The following DLGAP1 variants were observed in gnomAD, a reference collection of about 807,000 sequenced individuals.
DLGAP1 encodes disks large-associated protein 1.
Under a neutral mutation model 90.8 loss-of-function variants are expected in DLGAP1, and 11 were observed. The observed-to-expected ratio is 0.12, with a 90% CI of 0.08 to 0.20. DLGAP1 has a LOEUF of 0.20. DLGAP1 is among the 10% of genes least tolerant of loss of function. DLGAP1 has a pLI of 1.00. For synonymous variants in DLGAP1, 558 were observed against 540.7 expected, an observed-to-expected ratio of 1.03 and a Z score of -0.44; for missense variants, 1,050 against 1,333.8, an observed-to-expected ratio of 0.79 and a Z score of 3.31.
At chr18:4,223,073 T>C (rs2078110922) in intron 1 of DLGAP1, among the ~76,000 whole-genome samples, 1 of 152,046 alleles carries the variant, frequency 6.6e-6, no homozygotes, top group Non-Finnish European at 1.5e-5. Context: ...ACTAGCAACA[T>C]AGCAAGACCC....
chr18:3,783,725 A>G (rs1186203737), intron 5 of DLGAP1, among the ~76,000 whole-genome samples: 1 of 152,200 alleles, frequency 6.6e-6, no homozygotes, highest in Non-Finnish European at 1.5e-5. Flanking sequence ...GATACAAAAA[A>G]CCATTGCATC....
chr18:3,688,111 A>T (rs1412691144), intron 7 of DLGAP1, among the ~76,000 whole-genome samples: 2 of 152,124 alleles, frequency 1.3e-5, no homozygotes, highest in Admixed American at 6.5e-5. Context: ...CGGTTTCACC[A>T]TGTTGGCCAG....
At chr18:4,380,322 T>C (rs536614234) in intron 1 of DLGAP1, among the ~76,000 whole-genome samples, 83 of 152,260 alleles carry the variant, frequency 5.5e-4, no homozygotes, top group African/African-American at 1.9e-3. Context: ...AAAATTACAA[T>C]GACCTTTAAG....
intron 7 of DLGAP1, among the ~76,000 whole-genome samples, chr18:3,693,428 C>T (rs1026298358): frequency 7.2e-5 from 11 of 152,190 alleles, no homozygotes; most frequent in African/African-American, 7.2e-5. Flanking sequence ...TGATTTTCTC[C>T]TTCCATGTAC....
At chr18:3,581,127 C>T (rs518966) in intron 8 of DLGAP1, among the ~76,000 whole-genome samples, 95,239 of 152,014 alleles carry the variant, frequency 0.63, 30,394 homozygotes, top group East Asian at 0.99. Flanking sequence ...TTGCTGCCTT[C>T]AGCCAGGGCG....
intron 2 of DLGAP1, among the ~76,000 whole-genome samples, chr18:4,112,443 C>A (rs1270888012): frequency 6.6e-6 from 1 of 152,066 alleles, no homozygotes; most frequent in African/African-American, 2.4e-5. Flanking sequence ...TTAGTTTATA[C>A]TGTTCGAGTT....
At chr18:3,860,078 G>A (rs942918757) in intron 4 of DLGAP1, among the ~76,000 whole-genome samples, 4 of 117,612 alleles carry the variant, frequency 3.4e-5, no homozygotes, top group East Asian at 2.2e-4. Context: ...CAGCCTGGGC[G>A]ACAGAGCGAG....
At chr18:3,668,971 A>G (rs1675243) in intron 7 of DLGAP1, among the ~76,000 whole-genome samples, 87,210 of 151,444 alleles carry the variant, frequency 0.58, 25,763 homozygotes, top group East Asian at 0.84. Flanking sequence ...GCGACCGAGT[A>G]AGACTCTGTC....
intron 1 of DLGAP1, among the ~76,000 whole-genome samples, chr18:4,269,366 C>CT (rs2079208234): frequency 1.1e-5 from 1 of 92,110 alleles, no homozygotes; most frequent in Non-Finnish European, 2.3e-5. Context: ...TTTTTTTTTT[C>CT]TTTTTGAGAC....
At chr18:4,063,705 G>C (rs1369257159) in intron 2 of DLGAP1, among the ~76,000 whole-genome samples, 1 of 151,980 alleles carries the variant, frequency 6.6e-6, no homozygotes, top group Non-Finnish European at 1.5e-5. Context: ...TACATAACAA[G>C]GCCACCTTGC....
intron 1 of DLGAP1, among the ~76,000 whole-genome samples, chr18:4,233,855 C>T (rs2078348857): frequency 6.6e-6 from 1 of 152,108 alleles, no homozygotes; most frequent in South Asian, 2.1e-4. Context: ...ATTCACAGTC[C>T]ATTACCATTT....
chr18:3,891,758 T>C (rs1474074169), intron 3 of DLGAP1, among the ~76,000 whole-genome samples: 4 of 152,096 alleles, frequency 2.6e-5, no homozygotes, highest in Non-Finnish European at 5.9e-5. Context: ...TCTGAGATAA[T>C]ATATTTAGTA....
chr18:3,558,484 T>C (rs943714814), intron 9 of DLGAP1, among the ~76,000 whole-genome samples: 5 of 152,236 alleles, frequency 3.3e-5, no homozygotes, highest in South Asian at 4.1e-4. Context: ...CCGCCCACCT[T>C]GGCCTCCCAA....
chr18:3,557,390 C>T (rs533791957), intron 9 of DLGAP1, among the ~76,000 whole-genome samples: 8 of 152,126 alleles, frequency 5.3e-5, no homozygotes, highest in South Asian at 4.2e-4. Context: ...GGTGTGGTGG[C>T]GTGCCCTTGT....
intron 5 of DLGAP1, among the ~76,000 whole-genome samples, chr18:3,811,544 A>G (rs2066843371): frequency 6.6e-6 from 1 of 152,296 alleles, no homozygotes; most frequent in Non-Finnish European, 1.5e-5. Context: ...TCCATTTATC[A>G]CCACTTTGAA....
rs1044792424 is a variant in DLGAP1, at chr18:4,356,609, G to A, written c.-267+98397C>T. 3.4e-4 allele frequency among the ~76,000 whole-genome samples: 51 copies of A among 152,086 alleles called. 1 individual carries two copies. The highest frequency in any genetic ancestry group is 8.2e-4 in the African/African-American group (34 of 41,486). Reference sequence around the variant, plus strand: ...TACATCCTGAATCCGAGGATTTCCCGCCACCTTTACTGTTATCATCCTATT... The same window carrying A: ...TACATCCTGAATCCGAGGATTTCCCACCACCTTTACTGTTATCATCCTATT... On this transcript the variant is annotated intron_variant, in intron 1 of 12. Transcript: ENST00000315677.
chr18:4,417,350 T>C (rs1225046829), intron 1 of DLGAP1, among the ~76,000 whole-genome samples: 1 of 152,200 alleles, frequency 6.6e-6, no homozygotes, highest in Non-Finnish European at 1.5e-5. Context: ...ATGGGTTTAT[T>C]ATTATTTTAA....
chr18:3,977,280 C>T (rs2073603164), intron 3 of DLGAP1, among the ~76,000 whole-genome samples: 2 of 152,098 alleles, frequency 1.3e-5, no homozygotes, highest in African/African-American at 4.8e-5. Flanking sequence ...CCATGTTGCC[C>T]AGGCTGGTAT....
chr18:3,578,651 G>A lies in DLGAP1; in HGVS notation c.1965+3224C>T, dbSNP rs543872857. ...ATTACAGGCCTGAGCCACCGCACCC[G>A]GCCATTTTTTTTTTTTCTTATTATT... On this transcript the variant is annotated intron_variant, in intron 8 of 12. Transcript: ENST00000315677. Among the ~76,000 whole-genome samples the A allele has an allele frequency of 5.4e-5, 6 of 111,562 alleles. No individual in the cohort carries two copies. In the South Asian group the frequency reaches 1.5e-3, roughly 28 times the overall value. 73.2% of individuals were successfully genotyped at this position (111,562 alleles called of 152,430 possible).
Sources: allele counts gnomAD v4.1 joint callset (sites outside exome capture counted in the v4.1 genomes callset), GRCh38; gene constraint gnomAD v4.1.1; transcripts MANE v1.5; gene names NCBI Gene and HGNC (gene_info 2026-07-23, HGNC 2026-07-21).